CNBD2: variants seen among roughly 807,000 people sequenced by gnomAD.
The protein encoded by CNBD2 is cyclic nucleotide-binding domain-containing protein 2.
A neutral mutation model predicts 63.7 loss-of-function variants in CNBD2; 64 were observed. The ratio of observed to expected loss-of-function variants is 1.00; its 90% CI spans 0.82 to 1.24. The LOEUF (loss-of-function observed/expected upper bound fraction) is 1.24, where lower values mean the gene tolerates loss of function less well. CNBD2 is among the 50% of genes most tolerant of loss of function. The probability of loss-of-function intolerance (pLI) is 0.00; values close to 1 mark genes in which losing one functional copy is unlikely to be tolerated. For synonymous variants in CNBD2, 229 were observed against 255.4 expected, an observed-to-expected ratio of 0.90 and a Z score of 0.99; for missense variants, 691 against 713.5, an observed-to-expected ratio of 0.97 and a Z score of 0.36.
At chr20:36,009,792 A>G (rs1197459503) in intron 9 of CNBD2, among the ~76,000 whole-genome samples, 6 of 152,160 alleles carry the variant, frequency 3.9e-5, no homozygotes, top group Admixed American at 3.9e-4. Context: ...AGATCACGCC[A>G]CTGTACTTCA....
chr20:36,017,628 C>G (rs919958358), intron 10 of CNBD2, among the ~76,000 whole-genome samples: 1 of 152,238 alleles, frequency 6.6e-6, no homozygotes, highest in African/African-American at 2.4e-5. Flanking sequence ...AAGAAATCCA[C>G]TTCCTTAGCA....
At chr20:36,028,811 G>A (rs1415150768) in intron 11 of CNBD2, among the ~76,000 whole-genome samples, 1 of 151,934 alleles carries the variant, frequency 6.6e-6, no homozygotes, top group African/African-American at 2.4e-5. Context: ...GAGTAGCTGG[G>A]ATTACAGGCG....
chr20:36,022,973 C>T (rs1032298490), intron 10 of CNBD2, among the ~76,000 whole-genome samples: 3 of 151,702 alleles, frequency 2.0e-5, no homozygotes, highest in African/African-American at 7.3e-5. Context: ...GAGATTTGCT[C>T]GACAAAAACA....
chr20:36,025,274 T>C (rs1426162411), intron 11 of CNBD2, among the ~76,000 whole-genome samples: 1 of 152,194 alleles, frequency 6.6e-6, no homozygotes, highest in African/African-American at 2.4e-5. Flanking sequence ...TCGTTTTCTC[T>C]GGGAGGTGAG....
At chr20:35,978,574 G>C (rs548243004) in intron 3 of CNBD2, among the ~76,000 whole-genome samples, 1 of 152,302 alleles carries the variant, frequency 6.6e-6, no homozygotes, top group East Asian at 1.9e-4. Flanking sequence ...TTGATCTCCT[G>C]ACCTCGTGAT....
intron 10 of CNBD2, among the ~76,000 whole-genome samples, chr20:36,014,021 A>C (rs978648446): frequency 3.3e-5 from 5 of 151,932 alleles, no homozygotes; most frequent in Non-Finnish European, 5.9e-5. Context: ...CTCTACTAAA[A>C]GTACAAAAAA....
intron 8 of CNBD2, among the ~76,000 whole-genome samples, chr20:35,999,719 C>T (rs1301260242): frequency 1.3e-5 from 2 of 151,214 alleles, no homozygotes; most frequent in African/African-American, 4.9e-5. Context: ...CTCCTGTTGC[C>T]CAGGCTGGAG....
At position 35,980,499 on chromosome 20, in the gene CNBD2, AGCCTTCCTG is replaced by A. The variant is rs2056581888; in HGVS notation, c.286_294del (p.Pro96_Trp98del). On this transcript the variant is annotated inframe_deletion, in exon 4 of 12. Coordinates refer to ENST00000373973, the MANE Select transcript of CNBD2 (RefSeq NM_001365709.1). ...AAGGCCATTCAGATCATGCAGAAGA[AGCCTTCCTG>A]GAGAACAGAGGATGAGATCCAGGCC... 4.3e-6 allele frequency: 7 copies of A among 1,614,092 alleles called. No homozygotes were observed. The highest frequency in any genetic ancestry group is 5.9e-6 in the Non-Finnish European group (7 of 1,180,038).
At chr20:35,997,567 G>A (rs943118458) in intron 8 of CNBD2, among the ~76,000 whole-genome samples, 7 of 152,182 alleles carry the variant, frequency 4.6e-5, no homozygotes, top group African/African-American at 1.7e-4. Flanking sequence ...TGTGATACTG[G>A]GCAAGTGGGC....
At chr20:36,012,193 G>A (rs914753285) in intron 10 of CNBD2, among the ~76,000 whole-genome samples, 13 of 152,042 alleles carry the variant, frequency 8.6e-5, no homozygotes, top group Non-Finnish European at 1.5e-4. Context: ...CCAGCTACTC[G>A]GGAGGCTGAG....
chr20:35,954,491 T>G, upstream of CNBD2: 1 of 1,542,476 alleles, frequency 6.5e-7, no homozygotes, highest in Non-Finnish European at 8.7e-7. Context: ...CGAAAGTCTC[T>G]GGCTTCTCTG....
chr20:36,008,688 C>A (rs541405730), intron 9 of CNBD2, among the ~76,000 whole-genome samples: 1 of 152,302 alleles, frequency 6.6e-6, no homozygotes, highest in Non-Finnish European at 1.5e-5. Context: ...CTACGTCAGG[C>A]ATTCAGCCAC....
intron 4 of CNBD2, among the ~76,000 whole-genome samples, chr20:35,982,965 G>A (rs746254749): frequency 3.9e-5 from 6 of 151,926 alleles, no homozygotes; most frequent in Non-Finnish European, 5.9e-5. Flanking sequence ...ACAAGACTCC[G>A]ACTCTCCAAA....
intron 11 of CNBD2, among the ~76,000 whole-genome samples, chr20:36,026,108 A>G (rs1023614884): frequency 4.6e-5 from 7 of 151,938 alleles, no homozygotes; most frequent in South Asian, 4.2e-4. Context: ...ATCTCAACTC[A>G]CTGCAACCTC....
intron 1 of CNBD2, among the ~76,000 whole-genome samples, chr20:35,970,697 C>CTGTT (rs967554676): frequency 9.2e-5 from 14 of 152,096 alleles, no homozygotes; most frequent in Middle Eastern, 3.4e-3. Context: ...TGTGCCAGAG[C>CTGTT]TGTTTGTTTG....
At chr20:35,998,709 A>G (rs549568507) in intron 8 of CNBD2, among the ~76,000 whole-genome samples, 1 of 152,084 alleles carries the variant, frequency 6.6e-6, no homozygotes, top group South Asian at 2.1e-4. Flanking sequence ...TGTCTCTACC[A>G]AAATAATACA....
At chr20:35,957,790 AG>A (rs1364310885), downstream of CNBD2, 1 of 152,238 alleles carries the variant, frequency 6.6e-6, no homozygotes, top group Non-Finnish European at 1.5e-5. Flanking sequence ...TGGTTTCATG[AG>A]GACAGAAATC....
intron 8 of CNBD2, among the ~76,000 whole-genome samples, chr20:36,002,257 C>T (rs1449320583): frequency 6.6e-6 from 1 of 152,212 alleles, no homozygotes; most frequent in African/African-American, 2.4e-5. Flanking sequence ...ACCAGTCAGG[C>T]GTGGCGGTGC....
chr20:36,022,199 T>C (rs867899150), intron 10 of CNBD2, among the ~76,000 whole-genome samples: 43 of 106,804 alleles, frequency 4.0e-4, no homozygotes, highest in Middle Eastern at 4.1e-3. Flanking sequence ...TTTTTTCTTT[T>C]TTTTTTTTTT....
Sources: allele counts gnomAD v4.1 joint callset (sites outside exome capture counted in the v4.1 genomes callset), GRCh38; gene constraint gnomAD v4.1.1; transcripts MANE v1.5; gene names NCBI Gene and HGNC (gene_info 2026-07-23, HGNC 2026-07-21).